AGBL1: variants seen among roughly 807,000 people sequenced by gnomAD.
The protein encoded by AGBL1 is cytosolic carboxypeptidase 4.
Under a neutral mutation model 118.9 loss-of-function variants are expected in AGBL1, and 130 were observed. The observed-to-expected ratio is 1.09, with a 90% CI of 0.95 to 1.26. The LOEUF is 1.26. Among genes scored for constraint, AGBL1 ranks in the 50% most tolerant of loss-of-function variants. The pLI, the probability that AGBL1 is intolerant of heterozygous loss-of-function variation, is 0.00. For synonymous variants in AGBL1, 555 were observed against 478.9 expected (o/e 1.16, Z -2.08); for missense variants, 1,584 against 1,298.1 (o/e 1.22, Z -3.38).
intron 18 of AGBL1, among the ~76,000 whole-genome samples, chr15:86,452,806 C>T (rs919681038): frequency 2.6e-5 from 4 of 152,198 alleles, no homozygotes; most frequent in South Asian, 4.1e-4. Context: ...CCTCCTTGCT[C>T]TTTCTGTGAC....
intron 23 of AGBL1, among the ~76,000 whole-genome samples, chr15:86,962,258 T>C (rs1296918671): frequency 2.0e-5 from 3 of 151,986 alleles, no homozygotes; most frequent in South Asian, 4.1e-4. Flanking sequence ...TAGATCCAGA[T>C]TGGGCCAGAA....
intron 22 of AGBL1, among the ~76,000 whole-genome samples, chr15:86,756,173 A>G (rs567164795): frequency 4.9e-4 from 73 of 149,924 alleles, no homozygotes; most frequent in Non-Finnish European, 6.9e-4. Flanking sequence ...CCAAACAAAT[A>G]TCTTGAAATA....
At chr15:86,403,675 G>GGT (rs2081481029) in intron 18 of AGBL1, among the ~76,000 whole-genome samples, 1 of 152,092 alleles carries the variant, frequency 6.6e-6, no homozygotes, top group Non-Finnish European at 1.5e-5. Flanking sequence ...AACAAATGTA[G>GGT]GTGTTCTATG....
At chr15:86,345,343 G>T (rs1595994694) in intron 17 of AGBL1, among the ~76,000 whole-genome samples, 1 of 152,118 alleles carries the variant, frequency 6.6e-6, no homozygotes, top group Admixed American at 6.5e-5. Flanking sequence ...ACAGTTTGTG[G>T]CACCAATAGT....
intron 18 of AGBL1, among the ~76,000 whole-genome samples, chr15:86,439,007 C>T (rs1443765434): frequency 1.3e-5 from 2 of 152,068 alleles, no homozygotes; most frequent in African/African-American, 4.8e-5. Context: ...CCATTGTCTC[C>T]TGCCTACCAA....
At chr15:86,365,480 C>G (rs1175968395) in intron 17 of AGBL1, among the ~76,000 whole-genome samples, 2 of 152,092 alleles carry the variant, frequency 1.3e-5, no homozygotes, top group African/African-American at 4.8e-5. Context: ...GTGCAACTGT[C>G]TCAACAACTG....
intron 7 of AGBL1, among the ~76,000 whole-genome samples, chr15:86,250,718 C>A (rs1402477820): frequency 6.6e-6 from 1 of 152,118 alleles, no homozygotes; most frequent in Non-Finnish European, 1.5e-5. Context: ...CTCTTCCCCC[C>A]GGCAGTCATA....
At chr15:86,693,263 C>A (rs565711817) in intron 22 of AGBL1, among the ~76,000 whole-genome samples, 10 of 151,894 alleles carry the variant, frequency 6.6e-5, no homozygotes, top group African/African-American at 1.9e-4. Flanking sequence ...GCATCCACAC[C>A]GACATCTATT....
Position 86,720,673 on chromosome 15 carries a change from T to G in AGBL1, c.3158+46237T>G, listed in dbSNP as rs143839456. 4.0e-3 allele frequency among the ~76,000 whole-genome samples: 610 copies of G among 151,810 alleles called. 2 individuals are homozygous for G. Among genetic ancestry groups the G allele is most frequent in the Non-Finnish European group, 7.1e-3 (484 of 67,960 alleles). ...AGAAAGAATGCGAAGTTGCTGAGAG[T>G]GAATGTCAGGGGTGAGTATACCGAT... On this transcript the variant is annotated intron_variant, in intron 22 of 22. Transcript: ENST00000614907.
At chr15:86,843,891 T>TTAG (rs773865907) in intron 22 of AGBL1, among the ~76,000 whole-genome samples, 273 of 152,308 alleles carry the variant, frequency 1.8e-3, no homozygotes, top group Middle Eastern at 3.4e-3. Context: ...GAGTTAATCC[T>TTAG]TCCACCCTCC....
intron 22 of AGBL1, among the ~76,000 whole-genome samples, chr15:86,831,609 C>T (rs1035706186): frequency 6.6e-6 from 1 of 152,204 alleles, no homozygotes; most frequent in African/African-American, 2.4e-5. Context: ...CATGCTGATG[C>T]AAGAGGTGGG....
At chr15:86,540,523 A>C (rs1041052784) in intron 19 of AGBL1, among the ~76,000 whole-genome samples, 2 of 152,108 alleles carry the variant, frequency 1.3e-5, no homozygotes, top group African/African-American at 4.8e-5. Context: ...TGAACCTGGG[A>C]CATGGAGGTT....
chr15:86,726,190 C>A (rs951955197), intron 22 of AGBL1, among the ~76,000 whole-genome samples: 1 of 152,196 alleles, frequency 6.6e-6, no homozygotes, highest in African/African-American at 2.4e-5. Context: ...TCAAATTCTG[C>A]TTTACCTAGC....
intron 24 of AGBL1, among the ~76,000 whole-genome samples, chr15:87,000,759 G>A (rs1303474612): frequency 7.5e-6 from 1 of 133,132 alleles, no homozygotes; most frequent in Admixed American, 8.0e-5. Flanking sequence ...TTCCAATTCT[G>A]TGAAGAAAGT....
chr15:86,202,188 G>A (rs889252524), intron 5 of AGBL1, among the ~76,000 whole-genome samples: 5 of 152,116 alleles, frequency 3.3e-5, no homozygotes, highest in Admixed American at 3.3e-4. Flanking sequence ...AGCTACTCTG[G>A]GGGCTGAGGC....
chr15:86,457,083 G>T (rs1056194352), intron 18 of AGBL1, among the ~76,000 whole-genome samples: 2 of 151,778 alleles, frequency 1.3e-5, no homozygotes, highest in South Asian at 2.1e-4. Flanking sequence ...TACCACATTC[G>T]AAAAAAATTT....
chr15:87,018,392 C>A (rs2081628839), intron 24 of AGBL1, among the ~76,000 whole-genome samples: 1 of 152,036 alleles, frequency 6.6e-6, no homozygotes, highest in Non-Finnish European at 1.5e-5. Flanking sequence ...CAAAGGGAAG[C>A]CCATCAGACT....
At chr15:86,952,138 G>A (rs2080886367) in intron 23 of AGBL1, among the ~76,000 whole-genome samples, 1 of 151,922 alleles carries the variant, frequency 6.6e-6, no homozygotes, top group South Asian at 2.1e-4. Flanking sequence ...GGCTGAGGCA[G>A]GAGAATCACT....
chr15:86,232,965 C>T (rs11858318), intron 6 of AGBL1, among the ~76,000 whole-genome samples: 131 of 152,276 alleles, frequency 8.6e-4, no homozygotes, highest in African/African-American at 2.8e-3. Context: ...TCAATAATTA[C>T]GGAGCACAGC....
Sources: gnomAD v4.1 joint callset for allele counts (sites outside exome capture counted in the v4.1 genomes callset) on GRCh38, gnomAD v4.1.1 for gene constraint, MANE v1.5 for transcripts, NCBI Gene and HGNC (gene_info 2026-07-23, HGNC 2026-07-21) for gene names.